The following SHQ1 variants were observed in gnomAD, a reference collection of about 807,000 sequenced individuals.
SHQ1 encodes protein SHQ1 homolog.
A neutral mutation model predicts 53.8 loss-of-function variants in SHQ1; 49 were observed. The observed-to-expected ratio is 0.91, with a 90% CI of 0.72 to 1.16. SHQ1 has a LOEUF of 1.16. Ranked by LOEUF, SHQ1 falls within the 50% of genes most tolerant of loss-of-function variation. The pLI is 0.00. For missense variants in SHQ1, 738 were observed against 683.1 expected (o/e 1.08, Z -0.90); for synonymous variants, 243 against 251.0 (o/e 0.97, Z 0.30).
intron 5 of SHQ1, among the ~76,000 whole-genome samples, chr3:72,826,920 A>G (rs1707677394): frequency 6.6e-6 from 1 of 152,244 alleles, no homozygotes; most frequent in African/African-American, 2.4e-5. Context: ...TAGGGGAATG[A>G]CATTAGCATG....
chr3:72,794,274 T>C (rs1332664303), intron 9 of SHQ1: 1 of 152,190 alleles, frequency 6.6e-6, no homozygotes, highest in Non-Finnish European at 1.5e-5. Context: ...GATCCTAAAA[T>C]TGCTGACACT....
At chr3:72,822,112 C>T (rs1390319522) in intron 6 of SHQ1, among the ~76,000 whole-genome samples, 1 of 152,142 alleles carries the variant, frequency 6.6e-6, no homozygotes, top group Non-Finnish European at 1.5e-5. Flanking sequence ...CACAGCAACC[C>T]AAAGGTGCAA....
intron 10 of SHQ1, among the ~76,000 whole-genome samples, chr3:72,755,912 T>G (rs1705488518): frequency 6.6e-6 from 1 of 152,184 alleles, no homozygotes; most frequent in Admixed American, 6.5e-5. Flanking sequence ...ATTTCTTTAT[T>G]TAGAGACAGG....
chr3:72,758,303 A>C (rs1345230656), intron 10 of SHQ1, among the ~76,000 whole-genome samples: 1 of 152,228 alleles, frequency 6.6e-6, no homozygotes, highest in African/African-American at 2.4e-5. Context: ...TAACACAAGG[A>C]AGGCTGCAAG....
chr3:72,748,886 G>C (rs1705308076), downstream of SHQ1, among the ~76,000 whole-genome samples: 1 of 151,904 alleles, frequency 6.6e-6, no homozygotes, highest in African/African-American at 2.4e-5. Context: ...ACCTGGGAGG[G>C]TGAGGCTGCA....
At chr3:72,814,084 G>C (rs1390008512) in intron 8 of SHQ1, among the ~76,000 whole-genome samples, 1 of 152,010 alleles carries the variant, frequency 6.6e-6, no homozygotes, top group Non-Finnish European at 1.5e-5. Flanking sequence ...AAGGGAGAAA[G>C]ATAATTTACA....
chr3:72,739,958 C>T, the SHQ1 span, among the ~76,000 whole-genome samples: 1 of 152,130 alleles, frequency 6.6e-6, no homozygotes, highest in Non-Finnish European at 1.5e-5. Flanking sequence ...AAGAGTGTGG[C>T]CTTAGCGCAA....
intron 1 of SHQ1, among the ~76,000 whole-genome samples, chr3:72,846,531 C>T (rs1359510574): frequency 2.0e-5 from 3 of 152,108 alleles, no homozygotes; most frequent in African/African-American, 7.2e-5. Context: ...CTCCTGACCT[C>T]AAGTGATCTG....
chr3:72,751,313 G>A (rs563330990), intron 10 of SHQ1, among the ~76,000 whole-genome samples: 3 of 152,016 alleles, frequency 2.0e-5, no homozygotes, highest in Non-Finnish European at 2.9e-5. Context: ...TTGGGTGGAG[G>A]GGGGGCTGAG....
chr3:72,782,977 G>A (rs1188584617), intron 10 of SHQ1, among the ~76,000 whole-genome samples: 2 of 152,212 alleles, frequency 1.3e-5, no homozygotes, highest in Non-Finnish European at 2.9e-5. Context: ...ACTTGATCCT[G>A]TGGGTCTCCC....
At chr3:72,821,135 A>T (rs565930889) in intron 6 of SHQ1, among the ~76,000 whole-genome samples, 1 of 152,332 alleles carries the variant, frequency 6.6e-6, no homozygotes, top group East Asian at 1.9e-4. Flanking sequence ...ATTGTGCTGC[A>T]TTCAAACCTT....
At chr3:72,806,179 A>T (rs182812340) in intron 9 of SHQ1, among the ~76,000 whole-genome samples, 1 of 152,352 alleles carries the variant, frequency 6.6e-6, no homozygotes, top group East Asian at 1.9e-4. Flanking sequence ...GGAAGAGACA[A>T]GAGTAAAAAG....
chr3:72,745,379 G>C (rs367702834), downstream of SHQ1, among the ~76,000 whole-genome samples: 1 of 152,086 alleles, frequency 6.6e-6, no homozygotes, highest in Non-Finnish European at 1.5e-5. Flanking sequence ...CTTAGTTACC[G>C]GCACCTAAAA....
intron 1 of SHQ1, among the ~76,000 whole-genome samples, chr3:72,844,877 A>G (rs1708284462): frequency 6.6e-6 from 1 of 152,208 alleles, no homozygotes; most frequent in Non-Finnish European, 1.5e-5. Context: ...TTAAAAAATT[A>G]CATAAAACTA....
chr3:72,793,153 T>A (rs1206106557), intron 9 of SHQ1, 117 bp from the exon 10 acceptor site: 2 of 946,058 alleles, frequency 2.1e-6, no homozygotes, highest in African/African-American at 3.4e-5. Flanking sequence ...CATTTTTAAA[T>A]GCAAAAAAAT....
At position 72,749,823 on chromosome 3, in the gene SHQ1, A is replaced by G. The variant is rs983831660; in HGVS notation, c.*461T>C. On this transcript the variant is annotated 3_prime_UTR_variant, in exon 11 of 11. Transcript: ENST00000325599. ...GCGGCAAGGAAAACAAAAGGTATAA[A>G]CATTCATTGGTTGAAAAACAATGTC... is the stretch of plus-strand genomic sequence containing the variant. 1 of 224,130 alleles carries G rather than the reference A, an allele frequency of 4.5e-6. No homozygotes were observed. Among genetic ancestry groups the G allele is most frequent in the African/African-American group, 2.2e-5 (1 of 44,764 alleles). 13.9% of individuals were successfully genotyped at this position (224,130 alleles called of 1,614,324 possible).
At chr3:72,790,764 T>A (rs1181913770) in intron 10 of SHQ1, among the ~76,000 whole-genome samples, 2 of 152,170 alleles carry the variant, frequency 1.3e-5, no homozygotes. Flanking sequence ...CAGTTAAAAT[T>A]TAACATACAA....
At chr3:72,823,148 CAA>C (rs772618429) in intron 6 of SHQ1, among the ~76,000 whole-genome samples, 63 of 76,222 alleles carry the variant, frequency 8.3e-4, no homozygotes, top group African/African-American at 1.6e-3. Flanking sequence ...GACTCCGTCT[CAA>C]AAAAAAAAAA....
At chr3:72,802,246 G>C (rs940855351) in intron 9 of SHQ1, among the ~76,000 whole-genome samples, 1 of 152,182 alleles carries the variant, frequency 6.6e-6, no homozygotes, top group Non-Finnish European at 1.5e-5. Flanking sequence ...CCTCGGTGCC[G>C]TGGCTAGCAC....
Sources: allele counts gnomAD v4.1 joint callset (sites outside exome capture counted in the v4.1 genomes callset), GRCh38; gene constraint gnomAD v4.1.1; transcripts MANE v1.5; gene names NCBI Gene and HGNC (gene_info 2026-07-23, HGNC 2026-07-21).